RALGPS1: variants seen among roughly 807,000 people sequenced by gnomAD.
The protein encoded by RALGPS1 is ras-specific guanine nucleotide-releasing factor RalGPS1.
A neutral mutation model predicts 78.8 loss-of-function variants in RALGPS1; 19 were observed. The ratio of observed to expected loss-of-function variants is 0.24; its 90% CI spans 0.17 to 0.35. The LOEUF (loss-of-function observed/expected upper bound fraction) is 0.35, where lower values mean the gene tolerates loss of function less well. Ranked by LOEUF, RALGPS1 falls within the 10% of genes least tolerant of loss-of-function variation. The pLI is 1.00. For synonymous variants in RALGPS1, 228 were observed against 256.3 expected, an observed-to-expected ratio of 0.89 and a Z score of 1.06; for missense variants, 454 against 688.3, an observed-to-expected ratio of 0.66 and a Z score of 3.81.
At chr9:126,936,689 A>G (rs750508505) in intron 1 of RALGPS1, among the ~76,000 whole-genome samples, 2 of 152,172 alleles carry the variant, frequency 1.3e-5, no homozygotes, top group South Asian at 2.1e-4. Flanking sequence ...GTGAGGTGCC[A>G]TTGCAAAAGA....
chr9:127,160,651 T>C (rs1437724149), intron 8 of RALGPS1, among the ~76,000 whole-genome samples: 1 of 151,910 alleles, frequency 6.6e-6, no homozygotes, highest in Non-Finnish European at 1.5e-5. Flanking sequence ...ACAGCAGGGG[T>C]CCTCACACCC....
intron 1 of RALGPS1, among the ~76,000 whole-genome samples, chr9:126,944,069 C>T (rs2037027068): frequency 6.6e-6 from 1 of 152,210 alleles, no homozygotes; most frequent in South Asian, 2.1e-4. Context: ...CCCATGGGGG[C>T]CTCCCACTTG....
chr9:127,144,937 CA>C, intron 8 of RALGPS1, among the ~76,000 whole-genome samples: 1 of 152,112 alleles, frequency 6.6e-6, no homozygotes, highest in Non-Finnish European at 1.5e-5. Flanking sequence ...AGTTACACAA[CA>C]GCATGAATAT....
In RALGPS1 at chr9:127,045,246, G is replaced by A. The variant is rs376397160; in HGVS notation, c.301-4797G>A. Among the ~76,000 whole-genome samples, 10 of 152,068 alleles carry A rather than the reference G, an allele frequency of 6.6e-5. No homozygotes were observed. In the East Asian group the frequency reaches 1.2e-3, roughly 18 times the overall value. On this transcript the variant is annotated intron_variant, in intron 5 of 18. Coordinates refer to ENST00000259351, the MANE Select transcript of RALGPS1 (RefSeq NM_014636.3). Reference sequence around the variant, plus strand: ...GTAACACTTTGTTACATTTTGTTACGTATAATATTACAAAATGTTATAGCA... The same window carrying A: ...GTAACACTTTGTTACATTTTGTTACATATAATATTACAAAATGTTATAGCA...
intron 11 of RALGPS1, among the ~76,000 whole-genome samples, chr9:127,177,432 C>T (rs2059943731): frequency 6.6e-6 from 1 of 152,210 alleles, no homozygotes; most frequent in Non-Finnish European, 1.5e-5. Context: ...CCTGCCAGGG[C>T]GATGGCGACA....
At chr9:127,155,110 G>A (rs1461922000) in intron 8 of RALGPS1, among the ~76,000 whole-genome samples, 1 of 152,180 alleles carries the variant, frequency 6.6e-6, no homozygotes, top group African/African-American at 2.4e-5. Context: ...CCTTAACAGA[G>A]TGGCTGTGGA....
intron 5 of RALGPS1, among the ~76,000 whole-genome samples, chr9:127,045,734 CACACACACACACACACACACACACACAT>C (rs1168044418): frequency 2.0e-4 from 15 of 76,360 alleles, no homozygotes; most frequent in African/African-American, 6.4e-4. Flanking sequence ...GGTTAGTACA[CACACACACACACACACACACACACACAT>C]ACACACACAC....
Position 127,205,326 on chromosome 9 carries a change from G to T in RALGPS1, c.1247+6260G>T, listed in dbSNP as rs1334189478. The stretch of plus-strand genomic sequence containing the variant: ...TGTCCTCTGGGTGGCAGCCCAGTTA[G>T]AAAATTTGCCAGCTTCTGATTTGGG... On this transcript the variant is annotated intron_variant, in intron 14 of 18. Transcript: ENST00000259351. This position sits in a 1 kb window ranked among gnomAD's most constrained non-coding sequence, Gnocchi z 4.0. Among the ~76,000 whole-genome samples the T allele has an allele frequency of 6.6e-6, 1 of 152,228 alleles. No homozygotes were observed. Among genetic ancestry groups the T allele is most frequent in the African/African-American group, 2.4e-5 (1 of 41,466 alleles).
At chr9:127,125,940 G>A (rs2137983018) in intron 8 of RALGPS1, among the ~76,000 whole-genome samples, 1 of 152,158 alleles carries the variant, frequency 6.6e-6, no homozygotes, top group Middle Eastern at 3.4e-3. Context: ...ACAGTTGCAG[G>A]TTTTTTTCTG....
At chr9:127,010,126 A>C (rs2044211423) in intron 4 of RALGPS1, among the ~76,000 whole-genome samples, 1 of 152,180 alleles carries the variant, frequency 6.6e-6, no homozygotes, top group African/African-American at 2.4e-5. Context: ...CTGGCAAGCC[A>C]ACTTGACCAA....
intron 18 of RALGPS1, among the ~76,000 whole-genome samples, chr9:127,216,481 T>C (rs2131024818): frequency 6.6e-6 from 1 of 152,320 alleles, no homozygotes; most frequent in African/African-American, 2.4e-5. Flanking sequence ...CCTGGAAGCC[T>C]CTGTGACCCT....
intron 1 of RALGPS1, among the ~76,000 whole-genome samples, chr9:126,941,605 C>G (rs917009764): frequency 3.3e-5 from 5 of 152,194 alleles, no homozygotes; most frequent in Non-Finnish European, 7.3e-5. Flanking sequence ...CTGTTTCCCC[C>G]ACTAGAATAT....
In RALGPS1 at chr9:127,022,856, G is replaced by A. The variant is rs773764665; in HGVS notation, c.217-11575G>A. On this transcript the variant is annotated intron_variant, in intron 4 of 18. Coordinates refer to ENST00000259351, the MANE Select transcript of RALGPS1 (RefSeq NM_014636.3). ...CCTTCATCCTCATTCATGCTTTTTC[G>A]CAGGAGTTATCATCTGACTTATTAT... Among the ~76,000 whole-genome samples, 6 of 152,052 alleles carry A rather than the reference G, an allele frequency of 3.9e-5. No individual in the cohort carries two copies. The South Asian group carries it at 8.3e-4, about 21-fold the overall frequency.
At chr9:126,997,618 C>T (rs912044814) in intron 4 of RALGPS1, among the ~76,000 whole-genome samples, 7 of 152,286 alleles carry the variant, frequency 4.6e-5, no homozygotes, top group South Asian at 4.1e-4. Context: ...AGATTCAATG[C>T]CATCCCCATC....
At chr9:127,142,997 T>C (rs535216696) in intron 8 of RALGPS1, among the ~76,000 whole-genome samples, 2 of 152,238 alleles carry the variant, frequency 1.3e-5, no homozygotes, top group Non-Finnish European at 2.9e-5. Context: ...TGTAAAATTT[T>C]TTAAAGCACT....
chr9:127,210,825 T>C (rs1244170056), intron 14 of RALGPS1: 7 of 1,479,740 alleles, frequency 4.7e-6, no homozygotes, highest in South Asian at 1.2e-5. Flanking sequence ...TAGCTTGTTA[T>C]GTGGCCTTTT....
At chr9:126,919,265 C>CA (rs1482121732) in intron 1 of RALGPS1, among the ~76,000 whole-genome samples, 1 of 152,108 alleles carries the variant, frequency 6.6e-6, no homozygotes, top group Non-Finnish European at 1.5e-5. Context: ...TTTGTACCTC[C>CA]ACCCCCCACA....
rs144323983 is a variant in RALGPS1, at chr9:127,018,274, G to A, written c.217-16157G>A. On this transcript the variant is annotated intron_variant, in intron 4 of 18. Transcript: ENST00000259351. ...ACCAAACAAAATAATGCCTTCTTCCGGAAGGACCTGCCTGAGGCTATTTTA... is the reference window on the plus strand; with the variant it reads ...ACCAAACAAAATAATGCCTTCTTCCAGAAGGACCTGCCTGAGGCTATTTTA... Among the ~76,000 whole-genome samples the A allele has an allele frequency of 1.5e-4, 22 of 150,960 alleles. 1 individual carries two copies. The East Asian group carries it at 4.1e-3, about 28-fold the overall frequency.
At chr9:127,140,379 C>T (rs1006775322) in intron 8 of RALGPS1, among the ~76,000 whole-genome samples, 1 of 152,214 alleles carries the variant, frequency 6.6e-6, no homozygotes, top group Non-Finnish European at 1.5e-5. Context: ...AAGTCCTGAA[C>T]GGGATGTACC....
Sources: gnomAD v4.1 joint callset for allele counts (sites outside exome capture counted in the v4.1 genomes callset) on GRCh38, gnomAD v4.1.1 for gene constraint, Gnocchi (gnomAD v3.1) non-coding constraint, MANE v1.5 for transcripts, NCBI Gene and HGNC (gene_info 2026-07-23, HGNC 2026-07-21) for gene names.